The following KLRG1 variants were observed in gnomAD, a reference collection of about 807,000 sequenced individuals.
KLRG1 encodes the protein killer cell lectin-like receptor subfamily G member 1.
KLRG1 carries 16 observed loss-of-function variants against 21.8 expected under a neutral mutation model. That is an observed-to-expected ratio of 0.73 (90% CI 0.50 to 1.11). The LOEUF (loss-of-function observed/expected upper bound fraction) is 1.11, where lower values mean the gene tolerates loss of function less well. KLRG1 is among the 50% of genes most tolerant of loss of function. KLRG1 has a pLI of 0.00. For missense variants in KLRG1, 173 were observed against 218.3 expected, an observed-to-expected ratio of 0.79 and a Z score of 1.31; for synonymous variants, 69 against 75.9, an observed-to-expected ratio of 0.91 and a Z score of 0.47.
At chr12:9,162,419 T>C in the KLRG1 span, 1 of 581,872 alleles carries the variant, frequency 1.7e-6, no homozygotes, top group Non-Finnish European at 3.0e-6. Flanking sequence ...CACATTAACT[T>C]GCTCTCTTGG....
chr12:9,143,879 C>G, the KLRG1 span, among the ~76,000 whole-genome samples: 1 of 152,098 alleles, frequency 6.6e-6, no homozygotes, highest in Admixed American at 6.6e-5. Context: ...TAAGAAGAAG[C>G]CTAGGGTGTC....
At chr12:9,194,351 A>T in the KLRG1 span, 6 of 843,472 alleles carry the variant, frequency 7.1e-6, no homozygotes, top group Admixed American at 1.1e-4. Flanking sequence ...CCCCTCAAAA[A>T]AACCCCACCA....
chr12:9,010,831 A>G (rs1947621212), downstream of KLRG1: 1 of 152,222 alleles, frequency 6.6e-6, no homozygotes. Flanking sequence ...AGTATATCCT[A>G]ATCCTCCCTA....
intron 3 of KLRG1, among the ~76,000 whole-genome samples, chr12:8,998,726 A>G (rs1204095196): frequency 6.6e-6 from 1 of 151,968 alleles, no homozygotes; most frequent in Non-Finnish European, 1.5e-5. Flanking sequence ...CTCACCTTCA[A>G]AGTCACTTAT....
the KLRG1 span, chr12:9,106,343 C>T: frequency 6.3e-7 from 1 of 1,596,518 alleles, no homozygotes; most frequent in East Asian, 2.2e-5. Context: ...GTCAATTCCA[C>T]CACTGAAAAA....
the KLRG1 span, chr12:9,077,013 C>G: frequency 7.1e-7 from 1 of 1,401,094 alleles, no homozygotes; most frequent in African/African-American, 1.4e-5. Flanking sequence ...ACACGGATCA[C>G]AGCACAGAAG....
the KLRG1 span, chr12:9,077,383 A>T: frequency 6.2e-7 from 1 of 1,613,580 alleles, no homozygotes; most frequent in Non-Finnish European, 8.5e-7. Flanking sequence ...GGCGATGGTG[A>T]TATAGGCGGA....
chr12:9,043,659 A>G, the KLRG1 span, among the ~76,000 whole-genome samples: 1 of 152,198 alleles, frequency 6.6e-6, no homozygotes, highest in Non-Finnish European at 1.5e-5. Context: ...GCTCTTTTGT[A>G]ATGTGATCTT....
rs1247760650 is a variant in KLRG1 at position 9,009,045 on chromosome 12, G to A, written c.428G>A (p.Trp143Ter). 3 of 1,613,486 alleles carry A rather than the reference G, an allele frequency of 1.9e-6. No homozygotes were observed. Among genetic ancestry groups the A allele is most frequent in the East Asian group, 2.2e-5 (1 of 44,850 alleles). The change falls in exon 4 of 5, where the codon TGG (tryptophan) becomes TAG (stop). Residue 143 changes from tryptophan (W) to a stop codon, truncating the protein, a stop_gained. Transcript: ENST00000356986. LOFTEE classifies it low-confidence loss of function (END_TRUNC). ...CTGAGGAACAATTCTGGCTGGAGGT[G>A]GGAAGATGGATCACCTCTAAACTTC... ...IGLRNNSGWRWEDGSPLNFSR... is the reference protein window; with the variant it reads ...IGLRNNSGWR
At chr12:9,213,206 T>C in the KLRG1 span, among the ~76,000 whole-genome samples, 1 of 152,230 alleles carries the variant, frequency 6.6e-6, no homozygotes, top group Non-Finnish European at 1.5e-5. Context: ...CATACCACAT[T>C]TTGTTTATCC....
At chr12:9,152,324 G>A in the KLRG1 span, 3 of 1,597,612 alleles carry the variant, frequency 1.9e-6, no homozygotes, top group Admixed American at 3.3e-5. Context: ...TAGTGTCAAA[G>A]GAAAAAGAAT....
At chr12:8,976,782 G>A (rs907121035) in intron 1 of KLRG1, among the ~76,000 whole-genome samples, 2 of 151,604 alleles carry the variant, frequency 1.3e-5, no homozygotes, top group African/African-American at 2.4e-5. Flanking sequence ...TTTTGCTCTT[G>A]TTGCCCAGGC....
the KLRG1 span, chr12:9,200,309 A>ATTT: frequency 8.0e-7 from 1 of 1,254,318 alleles, no homozygotes; most frequent in Non-Finnish European, 1.1e-6. Flanking sequence ...TACCTACATA[A>ATTT]TCCCTCAAAA....
At chr12:9,110,134 A>G in the KLRG1 span, 2 of 1,311,780 alleles carry the variant, frequency 1.5e-6, no homozygotes, top group Non-Finnish European at 2.1e-6. Flanking sequence ...AAAAAGGTCA[A>G]ATGGGGTAGT....
chr12:9,142,279 A>G, the KLRG1 span, among the ~76,000 whole-genome samples: 1 of 152,214 alleles, frequency 6.6e-6, no homozygotes, highest in Non-Finnish European at 1.5e-5. Flanking sequence ...AGATGAAGCT[A>G]TCTTTATTAA....
upstream of KLRG1, among the ~76,000 whole-genome samples, chr12:8,984,854 AT>A (rs1422258453): frequency 6.6e-6 from 1 of 152,208 alleles, no homozygotes; most frequent in Non-Finnish European, 1.5e-5. Context: ...AATGTGATGC[AT>A]TATGGCTAAT....
chr12:9,207,661 T>C, the KLRG1 span, among the ~76,000 whole-genome samples: 1 of 152,180 alleles, frequency 6.6e-6, no homozygotes, highest in African/African-American at 2.4e-5. Flanking sequence ...ACGGAGAACT[T>C]TGAGACCAAG....
At chr12:9,113,696 A>G in the KLRG1 span, among the ~76,000 whole-genome samples, 2 of 152,250 alleles carry the variant, frequency 1.3e-5, no homozygotes, top group East Asian at 1.9e-4. Flanking sequence ...AAGGCCATGC[A>G]TAAGAATTAT....
At chr12:8,962,145 T>A (rs2137220438) in intron 1 of KLRG1, among the ~76,000 whole-genome samples, 1 of 151,918 alleles carries the variant, frequency 6.6e-6, no homozygotes, top group Non-Finnish European at 1.5e-5. Flanking sequence ...AAAAAATTAA[T>A]AGAAAGAGAC....
Sources: allele counts gnomAD v4.1 joint callset (sites outside exome capture counted in the v4.1 genomes callset), GRCh38; gene constraint gnomAD v4.1.1; transcripts MANE v1.5; gene names NCBI Gene and HGNC (gene_info 2026-07-23, HGNC 2026-07-21).